SERGEF: variants seen among roughly 807,000 people sequenced by gnomAD.
SERGEF encodes the protein secretion-regulating guanine nucleotide exchange factor.
In SERGEF, 51 loss-of-function variants were observed where a neutral mutation model predicts 50.0. The ratio of observed to expected loss-of-function variants is 1.02; its 90% confidence interval spans 0.81 to 1.29. SERGEF has a LOEUF of 1.29. Among genes scored for constraint, SERGEF ranks in the 50% most tolerant of loss-of-function variants. The pLI is 0.00. For missense variants in SERGEF, 521 were observed against 557.0 expected (o/e 0.94, Z 0.65); for synonymous variants, 205 against 212.4 (o/e 0.97, Z 0.30).
At chr11:17,958,823 A>C (rs757356522) in intron 9 of SERGEF, among the ~76,000 whole-genome samples, 3 of 152,004 alleles carry the variant, frequency 2.0e-5, no homozygotes, top group Admixed American at 6.6e-5. Context: ...CCTCCAAAGC[A>C]CAGATCAGAG....
chr11:17,896,747 CGGAAGGGTAAGGGAAG>C (rs1851642535), intron 9 of SERGEF, among the ~76,000 whole-genome samples: 4 of 61,348 alleles, frequency 6.5e-5, no homozygotes, highest in South Asian at 6.9e-4. Context: ...GGAAGGGTAA[CGGAAGGGTAAGGGAAG>C]GGAAGGGTAA....
intron 9 of SERGEF, among the ~76,000 whole-genome samples, chr11:17,886,248 CTTATATA>C (rs1216969931): frequency 2.6e-5 from 4 of 152,122 alleles, no homozygotes; most frequent in African/African-American, 9.7e-5. Context: ...CATTTTAGGA[CTTATATA>C]TTATTTGAGA....
At chr11:17,886,676 T>C (rs2133906326) in intron 9 of SERGEF, among the ~76,000 whole-genome samples, 1 of 152,298 alleles carries the variant, frequency 6.6e-6, no homozygotes, top group East Asian at 1.9e-4. Context: ...CATTTCCTTT[T>C]CCAATAGTTT....
chr11:17,897,219 C>A (rs186344408), intron 9 of SERGEF, among the ~76,000 whole-genome samples: 137 of 152,284 alleles, frequency 9.0e-4, no homozygotes, highest in African/African-American at 3.2e-3. Context: ...TGACAACCAG[C>A]AAAGATACAG....
At chr11:17,922,390 G>C (rs1282696209) in intron 9 of SERGEF, among the ~76,000 whole-genome samples, 2 of 152,256 alleles carry the variant, frequency 1.3e-5, no homozygotes, top group East Asian at 1.9e-4. Flanking sequence ...AGGGTCATGA[G>C]GTTACCCATA....
chr11:18,007,817 T>C (rs1228100928), intron 2 of SERGEF, 124 bp downstream of exon 2: 9 of 1,045,616 alleles, frequency 8.6e-6, no homozygotes, highest in Non-Finnish European at 9.4e-6. Flanking sequence ...TTCACAAAAA[T>C]GTTTCACAAA....
chr11:17,939,086 G>A (rs985110883), intron 9 of SERGEF, among the ~76,000 whole-genome samples: 5 of 152,194 alleles, frequency 3.3e-5, no homozygotes, highest in African/African-American at 1.2e-4. Context: ...GGAAAGGGGT[G>A]AAGAAGTCTG....
intron 9 of SERGEF, among the ~76,000 whole-genome samples, chr11:17,938,343 T>C (rs1438061926): frequency 1.3e-5 from 2 of 152,162 alleles, no homozygotes; most frequent in Non-Finnish European, 2.9e-5. Flanking sequence ...CACAATATAA[T>C]ATGAGCATCT....
chr11:17,933,628 T>C (rs1467132599), intron 9 of SERGEF, among the ~76,000 whole-genome samples: 1 of 151,902 alleles, frequency 6.6e-6, no homozygotes, highest in Non-Finnish European at 1.5e-5. Context: ...GTTGTTACTA[T>C]GAGACAGTAT....
chr11:17,845,536 T>C (rs541156484), intron 10 of SERGEF, among the ~76,000 whole-genome samples: 6 of 152,352 alleles, frequency 3.9e-5, no homozygotes, highest in African/African-American at 1.2e-4. Flanking sequence ...TGTTCACTGA[T>C]ATACTAGGCA....
intron 8 of SERGEF, among the ~76,000 whole-genome samples, chr11:17,971,485 G>C (rs1173211019): frequency 6.6e-6 from 1 of 152,220 alleles, no homozygotes; most frequent in Non-Finnish European, 1.5e-5. Flanking sequence ...TACTCTGCCT[G>C]TGCTCCAGAA....
In SERGEF at chr11:18,007,831, A is replaced by G. The variant is rs191396202; in HGVS notation, c.196+110T>C. ...TTTCACAAAAATGTTTCACAAAAATACATTATTTTCCTCTGCAAAATACAA... is the reference window on the plus strand; with the variant it reads ...TTTCACAAAAATGTTTCACAAAAATGCATTATTTTCCTCTGCAAAATACAA... On this transcript the variant is annotated intron_variant, in intron 2 of 10. Transcript: ENST00000265965. 6.1e-6 allele frequency: 7 copies of G among 1,144,770 alleles called. No homozygotes were observed. The East Asian group carries it at 1.7e-4, about 28-fold the overall frequency. 70.9% of individuals were successfully genotyped at this position (1,144,770 alleles called of 1,614,324 possible).
At chr11:18,011,189 T>A (rs1854189261) in intron 1 of SERGEF, among the ~76,000 whole-genome samples, 1 of 150,796 alleles carries the variant, frequency 6.6e-6, no homozygotes, top group African/African-American at 2.5e-5. Flanking sequence ...TAAATCCCCT[T>A]CCTGTGAACC....
intron 9 of SERGEF, among the ~76,000 whole-genome samples, chr11:17,940,647 C>T (rs929568646): frequency 6.6e-5 from 10 of 152,118 alleles, no homozygotes; most frequent in Admixed American, 2.0e-4. Flanking sequence ...GATCATCGCT[C>T]ACTGCAGCCT....
chr11:17,899,474 G>C (rs1851704643), intron 9 of SERGEF, among the ~76,000 whole-genome samples: 1 of 151,012 alleles, frequency 6.6e-6, no homozygotes, highest in African/African-American at 2.4e-5. Context: ...CTAAGGCTTA[G>C]AGAGTCTCAG....
intron 9 of SERGEF, among the ~76,000 whole-genome samples, chr11:17,958,851 T>C (rs2133970651): frequency 1.3e-5 from 2 of 152,168 alleles, no homozygotes; most frequent in South Asian, 4.2e-4. Context: ...ATTTTCTTTT[T>C]TTGTTGTTTT....
intron 10 of SERGEF, among the ~76,000 whole-genome samples, chr11:17,874,637 G>A (rs1851209287): frequency 1.3e-5 from 2 of 152,322 alleles, no homozygotes; most frequent in African/African-American, 2.4e-5. Flanking sequence ...TGGCTTCCAT[G>A]GGGCTTGCTT....
chr11:17,988,710 A>C lies in SERGEF; in HGVS notation c.731T>G (p.Leu244Arg). 6.2e-7 allele frequency: 1 copy of C among 1,614,120 alleles called. No individual in the cohort carries two copies. Among genetic ancestry groups the C allele is most frequent in the Non-Finnish European group, 8.5e-7 (1 of 1,179,988 alleles). ...AGGAAGGAAAGCAGCCTCATTAGCC[A>C]GTTGCCCATGCTTGTTGCTTCCCCA... ...YVWGSNKHGQ[L>R]ANEAAFLPVP... The change falls in exon 8 of 11, where the codon CTG becomes CGG. Residue 244 changes from leucine (L) to arginine (R), a missense_variant. Transcript: ENST00000265965.
rs563571554 is a variant in SERGEF at position 17,842,319 on chromosome 11, G to A, written c.1048+35889C>T. ...CTGAGGTTCTCTTGAGTCTGGATTA[G>A]ACTAACAGAAACTGTTGATATTTTT... is the stretch of plus-strand genomic sequence containing the variant. On this transcript the variant is annotated intron_variant, in intron 10 of 10. Coordinates refer to ENST00000265965, the MANE Select transcript of SERGEF (RefSeq NM_012139.4). 2.0e-5 allele frequency among the ~76,000 whole-genome samples: 3 copies of A among 152,246 alleles called. No homozygotes were observed. The South Asian group carries it at 6.2e-4, about 32-fold the overall frequency.
Sources: gnomAD v4.1 joint callset for allele counts (sites outside exome capture counted in the v4.1 genomes callset) on GRCh38, gnomAD v4.1.1 for gene constraint, MANE v1.5 for transcripts, NCBI Gene and HGNC (gene_info 2026-07-23, HGNC 2026-07-21) for gene names.